Variants in COPE observed in about 807,000 individuals in gnomAD.
The protein encoded by COPE is coat protein complex I subunit epsilon, also known as coatomer subunit epsilon.
COPE carries 19 observed loss-of-function variants against 42.1 expected under a neutral mutation model. The observed-to-expected ratio is 0.45, with a 90% CI of 0.31 to 0.66. The LOEUF is 0.66. COPE is among the 30% of genes least tolerant of loss of function. The pLI, the probability that COPE is intolerant of heterozygous loss-of-function variation, is 0.05. For missense variants in COPE, 402 were observed against 416.1 expected (o/e 0.97, Z 0.30); for synonymous variants, 195 against 181.3 (o/e 1.08, Z -0.60).
intron 1 of COPE, among the ~76,000 whole-genome samples, chr19:18,915,261 T>G (rs1226923479): frequency 6.6e-6 from 1 of 151,918 alleles, no homozygotes; most frequent in Non-Finnish European, 1.5e-5. Flanking sequence ...GCTTTCAAAG[T>G]GAGGACACAG....
intron 1 of COPE, among the ~76,000 whole-genome samples, chr19:18,914,489 C>T (rs1213973849): frequency 3.3e-5 from 5 of 151,724 alleles, no homozygotes; most frequent in East Asian, 3.9e-4. Context: ...TGTAGTAAGC[C>T]GAGATCACGC....
chr19:18,919,146 C>G, intron 1 of COPE, 77 bp downstream of exon 1: 2 of 1,503,042 alleles, frequency 1.3e-6, no homozygotes, highest in Non-Finnish European at 1.8e-6. Context: ...TTTTTAGACG[C>G]AGAACGCGGC....
chr19:18,909,520 T>C (rs59251650), intron 3 of COPE, among the ~76,000 whole-genome samples: 2 of 18,432 alleles, frequency 1.1e-4, no homozygotes, highest in African/African-American at 8.1e-4. Flanking sequence ...GCCTCTTTCC[T>C]TTTTTTTTTT....
At position 18,919,307 on chromosome 19, in the gene COPE, C is replaced by G. The variant is rs184668009; in HGVS notation, c.42G>C (p.Gly14=). The G allele has an allele frequency of 1.2e-6, 2 of 1,613,752 alleles. No homozygotes were observed. The highest frequency in any genetic ancestry group is 1.7e-6 in the Non-Finnish European group (2 of 1,179,984). ...TTACGTCGAACAGCTCGTCTACCTC[C>G]CCGGAGCCGCCGGAGGCCGGGCCGG... ...PAPGPASGGS[G]EVDELFDVKN... Residue 14 remains glycine, a synonymous_variant, in exon 1 of 10, where the codon GGG becomes GGC. Coordinates refer to ENST00000262812, the MANE Select transcript of COPE (RefSeq NM_007263.4).
chr19:18,919,303 C>G lies in COPE; in HGVS notation c.46G>C (p.Val16Leu), dbSNP rs201231121. The G allele has an allele frequency of 2.6e-5, 42 of 1,613,724 alleles. No individual in the cohort carries two copies. The highest frequency in any genetic ancestry group is 4.2e-6 in the Non-Finnish European group (5 of 1,180,010). The change falls in exon 1 of 10, where the codon GTA becomes CTA. Residue 16 changes from valine (V) to leucine (L), a missense_variant. Coordinates refer to ENST00000262812, the MANE Select transcript of COPE (RefSeq NM_007263.4). Reference sequence around the variant, plus strand: ...TTCTTTACGTCGAACAGCTCGTCTACCTCCCCGGAGCCGCCGGAGGCCGGG... The same window carrying G: ...TTCTTTACGTCGAACAGCTCGTCTAGCTCCCCGGAGCCGCCGGAGGCCGGG... The part of the protein sequence containing the change: ...PGPASGGSGE[V>L]DELFDVKNAF...
At chr19:18,910,854 G>C in intron 3 of COPE, 117 bp downstream of exon 3, 1 of 840,194 alleles carries the variant, frequency 1.2e-6, no homozygotes, top group Non-Finnish European at 1.9e-6. Context: ...GGGGAGAGGC[G>C]CCTAATCTGA....
chr19:18,916,283 G>A (rs2056852986), intron 1 of COPE, among the ~76,000 whole-genome samples: 1 of 151,668 alleles, frequency 6.6e-6, no homozygotes, highest in Admixed American at 6.6e-5. Flanking sequence ...AACCCAGGAG[G>A]CGGAGGATGC....
intron 1 of COPE, 118 bp downstream of exon 1, chr19:18,919,104 TG>T: frequency 9.8e-7 from 1 of 1,020,062 alleles, no homozygotes; most frequent in Non-Finnish European, 1.5e-6. Flanking sequence ...GTGGAAGAGG[TG>T]GCCCAAAAAA....
intron 1 of COPE, 95 bp downstream of exon 1, chr19:18,919,128 A>T: frequency 7.2e-7 from 1 of 1,396,390 alleles, no homozygotes; most frequent in Non-Finnish European, 9.9e-7. Context: ...CGAGAAGAAA[A>T]GAGAAAGTTT....
rs117451868 is a variant in COPE, at chr19:18,910,366, G to T, written c.290+605C>A. Among the ~76,000 whole-genome samples, 85 of 152,290 alleles carry T rather than the reference G, an allele frequency of 5.6e-4. 3 individuals carry two copies. In the East Asian group the frequency reaches 0.015, roughly 27 times the overall value. ...TTTGGGAGGCTGAGGTGGGCAGACC[G>T]CCTGAGCTCAGGAGTTCGAGACCAC... On this transcript the variant is annotated intron_variant, in intron 3 of 9. Transcript: ENST00000262812.
At position 18,919,363 on chromosome 19, in the gene COPE, A is replaced by C; in HGVS notation, c.-15T>G. On this transcript the variant is annotated 5_prime_UTR_variant, in exon 1 of 10. Transcript: ENST00000262812. ...GGAGGCGCCATTTCGCTGTCTTCTC[A>C]CCAGCTCCTCTTCCTGAAAGACACG... 6.2e-7 allele frequency: 1 copy of C among 1,611,776 alleles called. No individual in the cohort carries two copies. Among genetic ancestry groups the C allele is most frequent in the Middle Eastern group, 1.7e-4 (1 of 6,056 alleles).
At chr19:18,917,848 A>G (rs1173599116) in intron 1 of COPE, among the ~76,000 whole-genome samples, 1 of 152,138 alleles carries the variant, frequency 6.6e-6, no homozygotes, top group African/African-American at 2.4e-5. Flanking sequence ...GGTGCACTAA[A>G]ATAGGCAAGC....
Position 18,917,139 on chromosome 19 carries a change from A to G in COPE, c.126+2084T>C, listed in dbSNP as rs558622330. Among the ~76,000 whole-genome samples, 35 of 144,710 alleles carry G rather than the reference A, an allele frequency of 2.4e-4. No individual in the cohort carries two copies. In the South Asian group the frequency reaches 7.3e-3, roughly 30 times the overall value. The allele number at this position is 144,710 out of a possible 152,430, so 94.9% of individuals were successfully genotyped here. On this transcript the variant is annotated intron_variant, in intron 1 of 9. Transcript: ENST00000262812. ...CCACATTACTCCCATCTCTGCTTCC[A>G]TCATCTCTGTGTCTCAAATCTCCCT...
At chr19:18,912,432 C>T (rs753829066) in intron 2 of COPE, among the ~76,000 whole-genome samples, 17 of 151,436 alleles carry the variant, frequency 1.1e-4, no homozygotes, top group Non-Finnish European at 2.2e-4. Context: ...GTGTGAGCCA[C>T]TGTGCCTGGC....
intron 8 of COPE, 184 bp from the exon 9 acceptor site, chr19:18,900,131 G>C: frequency 1.6e-6 from 1 of 628,366 alleles, no homozygotes; most frequent in South Asian, 2.0e-5. Context: ...CCTGCCCCCT[G>C]GAGAGGCGCT....
Position 18,905,647 on chromosome 19 carries a change from G to A in COPE, c.444-18C>T, listed in dbSNP as rs776295558. The A allele has an allele frequency of 3.8e-6, 6 of 1,587,598 alleles. No individual in the cohort carries two copies. Among genetic ancestry groups the A allele is most frequent in the South Asian group, 2.3e-5 (2 of 88,484 alleles). ...TGGCTGTGCTGCAGGACAGGGCGAGGGGGCGGTCAGCGGGTCGCCACAGAC... is the reference window on the plus strand; with the variant it reads ...TGGCTGTGCTGCAGGACAGGGCGAGAGGGCGGTCAGCGGGTCGCCACAGAC... On this transcript the variant is annotated intron_variant, in intron 4 of 9. Coordinates refer to ENST00000262812, the MANE Select transcript of COPE (RefSeq NM_007263.4).
At chr19:18,910,764 C>G (rs1361494238) in intron 3 of COPE, 1 of 599,494 alleles carries the variant, frequency 1.7e-6, no homozygotes, top group Non-Finnish European at 3.0e-6. Flanking sequence ...TGACCCTCCC[C>G]TTTGAAGCAG....
chr19:18,919,332 G>T lies in COPE; in HGVS notation c.17C>A (p.Pro6His), dbSNP rs879718164. The T allele has an allele frequency of 1.2e-6, 2 of 1,613,692 alleles. No individual in the cohort carries two copies. Among genetic ancestry groups the T allele is most frequent in the South Asian group, 2.2e-5 (2 of 91,080 alleles). MAPPA[P>H]GPASGGSGEV... ...CCCGGAGCCGCCGGAGGCCGGGCCG[G>T]GGGCCGGAGGCGCCATTTCGCTGTC... Residue 6 changes from proline to histidine, a missense_variant, in exon 1 of 10, where the codon CCC becomes CAC. Transcript: ENST00000262812.
chr19:18,919,236 G>A lies in COPE; in HGVS notation c.113C>T (p.Ala38Val). 3 of 1,611,940 alleles carry A rather than the reference G, an allele frequency of 1.9e-6. No individual in the cohort carries two copies. The highest frequency in any genetic ancestry group is 1.1e-5 in the South Asian group (1 of 90,988). The change falls in exon 1 of 10, where the codon GCG becomes GTG. Residue 38 changes from alanine (A) to valine (V), a missense_variant. Ala to Val is a moderately conservative substitution (Grantham distance 64). Transcript: ENST00000262812. ...GCGCGGCCGCACCTTCACCCGCTGC[G>A]CCTCGTTTATGCACTGCTGGTAGCT... Reference protein sequence around the residue: ...IGSYQQCINEAQRVKLSSPER... With the variant: ...IGSYQQCINEVQRVKLSSPER...
Sources: allele counts gnomAD v4.1 joint callset (sites outside exome capture counted in the v4.1 genomes callset), GRCh38; gene constraint gnomAD v4.1.1; transcripts MANE v1.5; gene names NCBI Gene and HGNC (gene_info 2026-07-23, HGNC 2026-07-21).